PDS5A: variants seen among roughly 807,000 people sequenced by gnomAD.
PDS5A encodes PDS5 cohesin associated factor A, also known as sister chromatid cohesion protein PDS5 homolog A.
PDS5A carries 42 observed loss-of-function variants against 167.1 expected under a neutral mutation model. The ratio of observed to expected loss-of-function variants is 0.25; its 90% CI spans 0.20 to 0.33. The LOEUF (loss-of-function observed/expected upper bound fraction) is 0.33. Ranked by LOEUF, PDS5A falls within the 10% of genes least tolerant of loss-of-function variation. PDS5A has a pLI of 1.00. For synonymous variants in PDS5A, 553 were observed against 554.6 expected, an observed-to-expected ratio of 1.00 and a Z score of 0.04; for missense variants, 1,033 against 1,605.9, an observed-to-expected ratio of 0.64 and a Z score of 6.10.
intron 2 of PDS5A, among the ~76,000 whole-genome samples, chr4:39,950,538 G>A (rs1728248522): frequency 6.6e-6 from 1 of 152,096 alleles, no homozygotes; most frequent in South Asian, 2.1e-4. Context: ...TTCAAGACCA[G>A]CCTGGGCAAC....
intron 13 of PDS5A, among the ~76,000 whole-genome samples, chr4:39,900,772 GC>G (rs1722809593): frequency 6.6e-6 from 1 of 152,168 alleles, no homozygotes; most frequent in South Asian, 2.1e-4. Flanking sequence ...AATACAGGTA[GC>G]TAGAAAGTTT....
intron 2 of PDS5A, among the ~76,000 whole-genome samples, chr4:39,968,053 T>C (rs926840342): frequency 6.6e-6 from 1 of 152,234 alleles, no homozygotes; most frequent in Non-Finnish European, 1.5e-5. Flanking sequence ...TAGGATATAC[T>C]ACATAACTAA....
chr4:39,870,891 C>T (rs2041620706), intron 21 of PDS5A, among the ~76,000 whole-genome samples: 1 of 152,000 alleles, frequency 6.6e-6, no homozygotes, highest in Non-Finnish European at 1.5e-5. Flanking sequence ...TTCACAACAG[C>T]CAACACGTAG....
At chr4:39,826,473 T>TTTATTTA (rs1715328119) in intron 32 of PDS5A, among the ~76,000 whole-genome samples, 1 of 143,714 alleles carries the variant, frequency 7.0e-6, no homozygotes, top group Non-Finnish European at 1.5e-5. Flanking sequence ...CATTCCACAT[T>TTTATTTA]TTTATTTATT....
intron 16 of PDS5A, among the ~76,000 whole-genome samples, chr4:39,891,368 C>A (rs1721945660): frequency 2.0e-5 from 3 of 151,682 alleles, no homozygotes; most frequent in Admixed American, 2.0e-4. Flanking sequence ...CATATTCAGG[C>A]CGGGCGCAGG....
At chr4:39,911,242 G>T (rs140209583) in intron 9 of PDS5A, among the ~76,000 whole-genome samples, 1 of 152,010 alleles carries the variant, frequency 6.6e-6, no homozygotes, top group Non-Finnish European at 1.5e-5. Context: ...CAGAAAATGT[G>T]TTACTAGCTC....
At chr4:39,958,572 A>T (rs1729182819) in intron 2 of PDS5A, among the ~76,000 whole-genome samples, 1 of 149,456 alleles carries the variant, frequency 6.7e-6, no homozygotes, top group Non-Finnish European at 1.5e-5. Flanking sequence ...AACTTGCCTC[A>T]GCACAAGCAA....
rs750836712 is a variant in PDS5A at position 39,873,161 on chromosome 4, G to C, written c.2278-17C>G. The C allele has an allele frequency of 4.2e-6, 6 of 1,437,580 alleles. No individual in the cohort carries two copies. Among genetic ancestry groups the C allele is most frequent in the East Asian group, 4.8e-5 (2 of 41,932 alleles). 89.1% of individuals were successfully genotyped at this position (1,437,580 alleles called of 1,614,324 possible). A position where few individuals can be genotyped will look rare whatever the true frequency, so the allele number is the denominator to read the frequency against. ...ACTGAGTGGCTATAAAAATAAAACAGACAAAATTACCAATTTGTTTGATAA... is the reference window on the plus strand; with the variant it reads ...ACTGAGTGGCTATAAAAATAAAACACACAAAATTACCAATTTGTTTGATAA... On this transcript the variant is annotated splice_polypyrimidine_tract_variant and intron_variant, in intron 20 of 32. Transcript: ENST00000303538.
intron 16 of PDS5A, among the ~76,000 whole-genome samples, chr4:39,895,199 C>CAAAA (rs34303340): frequency 3.0e-4 from 28 of 93,364 alleles, no homozygotes; most frequent in South Asian, 1.6e-3. Context: ...GACTCCGTCT[C>CAAAA]AAAAAAAAAA....
chr4:39,945,901 G>A (rs1578798971), intron 2 of PDS5A, among the ~76,000 whole-genome samples: 2 of 152,006 alleles, frequency 1.3e-5, no homozygotes, highest in African/African-American at 4.8e-5. Flanking sequence ...CGGATTAAGA[G>A]TTGAAAGAAA....
chr4:39,917,784 A>G (rs1724530115), intron 7 of PDS5A, among the ~76,000 whole-genome samples: 1 of 152,192 alleles, frequency 6.6e-6, no homozygotes, highest in Non-Finnish European at 1.5e-5. Flanking sequence ...CGTGTTGGCC[A>G]GGCTGGTCTC....
At chr4:39,843,052 T>G (rs1226630234) in intron 30 of PDS5A, among the ~76,000 whole-genome samples, 2 of 151,072 alleles carry the variant, frequency 1.3e-5, no homozygotes, top group East Asian at 3.9e-4. Flanking sequence ...CCCAAGTAGC[T>G]GGGACTACAA....
chr4:39,844,878 AAG>A, intron 29 of PDS5A, 77 bp from the exon 30 acceptor site: 7 of 1,416,628 alleles, frequency 4.9e-6, no homozygotes, highest in Non-Finnish European at 6.6e-6. Context: ...ATTTAGACAC[AAG>A]TAAGAGATAT....
chr4:39,903,864 A>C (rs1331137491), intron 12 of PDS5A, among the ~76,000 whole-genome samples, 176 bp downstream of exon 12: 2 of 152,208 alleles, frequency 1.3e-5, no homozygotes, highest in Non-Finnish European at 2.9e-5. Context: ...AGTACATAAA[A>C]ATATGTAAAA....
At chr4:39,912,972 T>C (rs1724023209) in intron 9 of PDS5A, among the ~76,000 whole-genome samples, 1 of 152,176 alleles carries the variant, frequency 6.6e-6, no homozygotes, top group Admixed American at 6.6e-5. Flanking sequence ...AAAAAGTTGG[T>C]AGGCTGACAA....
chr4:39,888,762 G>A (rs1721713192), intron 17 of PDS5A, among the ~76,000 whole-genome samples: 1 of 151,980 alleles, frequency 6.6e-6, no homozygotes, highest in African/African-American at 2.4e-5. Context: ...TGATGACACA[G>A]TAGACTGGTA....
At chr4:39,955,928 A>C (rs534741235) in intron 2 of PDS5A, among the ~76,000 whole-genome samples, 84 of 152,214 alleles carry the variant, frequency 5.5e-4, no homozygotes, top group African/African-American at 1.9e-3. Flanking sequence ...CAGCCTGGCC[A>C]ACATGGCGAA....
chr4:39,913,605 T>C lies in PDS5A; in HGVS notation c.992+6A>G. 6.8e-7 allele frequency: 1 copy of C among 1,469,922 alleles called. No individual in the cohort carries two copies. The highest frequency in any genetic ancestry group is 2.3e-5 in the East Asian group (1 of 44,212). The allele number at this position is 1,469,922 out of a possible 1,614,324, so 91.1% of individuals were successfully genotyped here. ...ATATAAACATCAGAATTATATGTTC[T>C]CTTACCGTCCAAGAAAACATTGCCA... On this transcript the variant is annotated splice_donor_region_variant and intron_variant, in intron 9 of 32. Coordinates refer to ENST00000303538, the MANE Select transcript of PDS5A (RefSeq NM_001100399.2).
chr4:39,954,068 T>C (rs1428774413), intron 2 of PDS5A, among the ~76,000 whole-genome samples: 1 of 151,914 alleles, frequency 6.6e-6, no homozygotes, highest in Non-Finnish European at 1.5e-5. Context: ...AGGCAGGGCA[T>C]GGTGGCCCAC....
Sources: gnomAD v4.1 joint callset for allele counts (sites outside exome capture counted in the v4.1 genomes callset) on GRCh38, gnomAD v4.1.1 for gene constraint, MANE v1.5 for transcripts, NCBI Gene and HGNC (gene_info 2026-07-23, HGNC 2026-07-21) for gene names.